Variants in JAZF1 observed in about 807,000 individuals in gnomAD.
JAZF1 encodes JAZF zinc finger 1, also known as juxtaposed with another zinc finger protein 1.
JAZF1 carries 8 observed loss-of-function variants against 26.4 expected under a neutral mutation model. The observed-to-expected ratio is 0.30, with a 90% CI of 0.18 to 0.55. JAZF1 has a LOEUF of 0.55. Among genes scored for constraint, JAZF1 ranks in the 20% least tolerant of loss-of-function variants. JAZF1 has a pLI of 0.94. For missense variants in JAZF1, 199 were observed against 322.0 expected (o/e 0.62, Z 2.92); for synonymous variants, 126 against 122.3 (o/e 1.03, Z -0.20).
At position 28,175,726 on chromosome 7, in the gene JAZF1, G is replaced by A. The variant is rs113240170; in HGVS notation, c.115+4737C>T. ...GGGGAGGTGAGGAGGGGACTGTCAC[G>A]TTCTTCACCTAATTGGCAACTGGCA... On this transcript the variant is annotated intron_variant, in intron 1 of 4. Coordinates refer to ENST00000283928, the MANE Select transcript of JAZF1 (RefSeq NM_175061.4). Among the ~76,000 whole-genome samples the A allele has an allele frequency of 1.0e-3, 158 of 152,280 alleles. 4 individuals carry two copies. The highest frequency in any genetic ancestry group is 7.7e-3 in the East Asian group (40 of 5,180).
intron 1 of JAZF1, among the ~76,000 whole-genome samples, chr7:28,008,773 G>A (rs1444723674): frequency 6.6e-6 from 1 of 152,128 alleles, no homozygotes; most frequent in Non-Finnish European, 1.5e-5. Context: ...TTCTTCAAAA[G>A]TTTTTCCAAA....
chr7:28,050,088 A>G (rs756775807), intron 1 of JAZF1, among the ~76,000 whole-genome samples: 3 of 152,120 alleles, frequency 2.0e-5, no homozygotes, highest in Non-Finnish European at 4.4e-5. Context: ...CATTAAAACA[A>G]CAGATAGTCC....
At chr7:28,150,288 G>A (rs1436437720) in intron 1 of JAZF1, among the ~76,000 whole-genome samples, 2 of 152,146 alleles carry the variant, frequency 1.3e-5, no homozygotes, top group Non-Finnish European at 2.9e-5. Context: ...GAGGACTCAG[G>A]GAATTGCCAA....
intron 3 of JAZF1, among the ~76,000 whole-genome samples, chr7:27,870,737 A>C (rs1783565865): frequency 6.6e-6 from 1 of 152,150 alleles, no homozygotes; most frequent in Non-Finnish European, 1.5e-5. Flanking sequence ...GCCCAGGTCA[A>C]ATAAATGGGA....
rs560562483 is a variant in JAZF1, at chr7:27,887,612, T to C, written c.385+7608A>G. 1.3e-3 allele frequency among the ~76,000 whole-genome samples: 195 copies of C among 152,066 alleles called. 1 individual carries two copies. Among genetic ancestry groups the C allele is most frequent in the South Asian group, 1.0e-3 (5 of 4,808 alleles). On this transcript the variant is annotated intron_variant, in intron 3 of 4. Coordinates refer to ENST00000283928, the MANE Select transcript of JAZF1 (RefSeq NM_175061.4). ...TGTATTTTTAGTAGAGATGGGGTTT[T>C]GCCATGTTTGCCAGGCTGGTCTCGA...
intron 3 of JAZF1, among the ~76,000 whole-genome samples, chr7:27,858,411 C>G (rs151269166): frequency 1.3e-5 from 2 of 152,060 alleles, no homozygotes; most frequent in African/African-American, 4.8e-5. Context: ...CAAAAAAGGG[C>G]CCATATAGCC....
At chr7:28,033,822 A>G (rs1343830457) in intron 1 of JAZF1, among the ~76,000 whole-genome samples, 1 of 152,126 alleles carries the variant, frequency 6.6e-6, no homozygotes, top group Admixed American at 6.5e-5. Context: ...GGCTCACCAC[A>G]ATCTCCACTT....
chr7:28,055,369 T>G (rs1783686886), intron 1 of JAZF1, among the ~76,000 whole-genome samples: 1 of 151,976 alleles, frequency 6.6e-6, no homozygotes, highest in African/African-American at 2.4e-5. Context: ...CATTCCCCAC[T>G]CCAGGGTTAG....
intron 1 of JAZF1, among the ~76,000 whole-genome samples, chr7:28,074,312 G>C (rs563038362): frequency 6.6e-6 from 1 of 152,306 alleles, no homozygotes; most frequent in African/African-American, 2.4e-5. Flanking sequence ...TAATTCCAAA[G>C]TTTGAGTCAT....
chr7:28,022,796 G>T (rs1783028665), intron 1 of JAZF1, among the ~76,000 whole-genome samples: 1 of 152,134 alleles, frequency 6.6e-6, no homozygotes, highest in African/African-American at 2.4e-5. Flanking sequence ...AGTCTCTGTT[G>T]TCCAGGCTGG....
At position 28,091,621 on chromosome 7, in the gene JAZF1, A is replaced by G. The variant is rs192205007; in HGVS notation, c.115+88842T>C. 3.3e-4 allele frequency among the ~76,000 whole-genome samples: 49 copies of G among 147,572 alleles called. 1 individual carries two copies. The East Asian group carries it at 9.1e-3, about 28-fold the overall frequency. On this transcript the variant is annotated intron_variant, in intron 1 of 4. Transcript: ENST00000283928. ...ATATACATATATATTATATATATAT[A>G]ACATATATATATATACACACACACA...
At chr7:27,950,099 A>G (rs1784984825) in intron 2 of JAZF1, among the ~76,000 whole-genome samples, 1 of 152,192 alleles carries the variant, frequency 6.6e-6, no homozygotes, top group South Asian at 2.1e-4. Flanking sequence ...TGAGCTTTGC[A>G]CCGGTTAACA....
chr7:28,125,123 C>T (rs1285599858), intron 1 of JAZF1, among the ~76,000 whole-genome samples: 2 of 144,728 alleles, frequency 1.4e-5, no homozygotes, highest in East Asian at 3.9e-4. Flanking sequence ...TGAGAAGGTG[C>T]AATTATGGAA....
Position 27,840,182 on chromosome 7 carries a change from C to G in JAZF1, c.555+516G>C, listed in dbSNP as rs1362067007. On this transcript the variant is annotated intron_variant, in intron 4 of 4. Transcript: ENST00000283928. This position sits in a 1 kb window ranked among gnomAD's most constrained non-coding sequence, Gnocchi z 5.1. Reference sequence around the variant, plus strand: ...TATCAAAGGCCTTTTTTCTCCTGATCCCCTTTCATGCCACTGGGTGGAAGG... The same window carrying G: ...TATCAAAGGCCTTTTTTCTCCTGATGCCCTTTCATGCCACTGGGTGGAAGG... Among the ~76,000 whole-genome samples the G allele has an allele frequency of 3.3e-5, 5 of 152,086 alleles. No homozygotes were observed. The highest frequency in any genetic ancestry group is 1.2e-4 in the African/African-American group (5 of 41,412).
intron 3 of JAZF1, among the ~76,000 whole-genome samples, chr7:27,871,305 T>A (rs946135984): frequency 6.6e-6 from 1 of 152,194 alleles, no homozygotes; most frequent in Non-Finnish European, 1.5e-5. Context: ...GGTTGTGACA[T>A]CTGTAAGGAG....
chr7:28,066,347 T>C (rs4719921), intron 1 of JAZF1, among the ~76,000 whole-genome samples: 60,744 of 151,878 alleles, frequency 0.4, 13,486 homozygotes, highest in Admixed American at 0.58. Context: ...CTCACACCTG[T>C]AATCCCAGCA....
chr7:27,922,078 T>G (rs1421649384), intron 2 of JAZF1, among the ~76,000 whole-genome samples: 2 of 152,200 alleles, frequency 1.3e-5, no homozygotes, highest in Non-Finnish European at 2.9e-5. Flanking sequence ...ACAGGGCATT[T>G]TATATTGTGT....
At position 27,887,896 on chromosome 7, in the gene JAZF1, T is replaced by C. The variant is rs182049766; in HGVS notation, c.385+7324A>G. Among the ~76,000 whole-genome samples the C allele has an allele frequency of 1.6e-3, 236 of 152,240 alleles. 1 individual carries two copies. Among genetic ancestry groups the C allele is most frequent in the African/African-American group, 5.3e-3 (221 of 41,536 alleles). ...TGCAGAAGATGCTGGGGAAGCAGAA[T>C]TAGCCATAAGACTCGACCATGACAC... is the stretch of plus-strand genomic sequence containing the variant. On this transcript the variant is annotated intron_variant, in intron 3 of 4. Coordinates refer to ENST00000283928, the MANE Select transcript of JAZF1 (RefSeq NM_175061.4).
chr7:28,073,678 T>C (rs530758687), intron 1 of JAZF1, among the ~76,000 whole-genome samples: 4 of 152,226 alleles, frequency 2.6e-5, no homozygotes, highest in East Asian at 1.9e-4. Context: ...ATATGCATTA[T>C]TGCCCCTGCC....
Sources: gnomAD v4.1 joint callset for allele counts (sites outside exome capture counted in the v4.1 genomes callset) on GRCh38, gnomAD v4.1.1 for gene constraint, Gnocchi (gnomAD v3.1) non-coding constraint, MANE v1.5 for transcripts, NCBI Gene and HGNC (gene_info 2026-07-23, HGNC 2026-07-21) for gene names.